The following MICOS10 variants were observed in gnomAD, a reference collection of about 807,000 sequenced individuals.
MICOS10 encodes MICOS complex subunit MIC10.
Under a neutral mutation model 13.4 loss-of-function variants are expected in MICOS10, and 5 were observed. The observed-to-expected ratio is 0.37, with a 90% CI of 0.20 to 0.78. The LOEUF (loss-of-function observed/expected upper bound fraction) is 0.78, where lower values mean the gene tolerates loss of function less well. Among genes scored for constraint, MICOS10 ranks in the 30% least tolerant of loss-of-function variants. The pLI is 0.47. For missense variants in MICOS10, 101 were observed against 94.6 expected (o/e 1.07, Z -0.28); for synonymous variants, 35 against 33.6 (o/e 1.04, Z -0.15).
At position 19,628,832 on chromosome 1, in the gene MICOS10, G is replaced by C. The variant is rs1457675558; in HGVS notation, c.*2431G>C. ...ATTCCCTAGACACATTAGAAAAATA[G>C]GGAGTGGAGAGGGGCATTGGAATGA... On this transcript the variant is annotated 3_prime_UTR_variant, in exon 4 of 4. Transcript: ENST00000322753. 6.6e-6 allele frequency: 1 copy of C among 152,126 alleles called. No individual in the cohort carries two copies. The highest frequency in any genetic ancestry group is 1.5e-5 in the Non-Finnish European group (1 of 68,050). 9.4% of individuals were successfully genotyped at this position (152,126 alleles called of 1,614,324 possible). A position where few individuals can be genotyped will look rare whatever the true frequency, so the allele number is the denominator to read the frequency against.
At position 19,622,339 on chromosome 1, in the gene MICOS10, C is replaced by T. The variant is rs560896813; in HGVS notation, c.112+192C>T. 3.9e-5 allele frequency among the ~76,000 whole-genome samples: 6 copies of T among 152,318 alleles called. 1 individual carries two copies. The South Asian group carries it at 1.2e-3, about 32-fold the overall frequency. ...TTGAAAGAGGTCAAAATGGGTTGGG[C>T]ATCTCCAGCATTCCCCTGGGCACTG... On this transcript the variant is annotated intron_variant, in intron 2 of 3. Transcript: ENST00000322753.
chr1:19,624,030 G>A (rs1036461364), intron 3 of MICOS10, among the ~76,000 whole-genome samples: 2 of 152,060 alleles, frequency 1.3e-5, no homozygotes, highest in African/African-American at 2.4e-5. Context: ...TTGCTTTGTC[G>A]CCCAGGCAGG....
intron 1 of MICOS10, among the ~76,000 whole-genome samples, chr1:19,609,924 C>A (rs1339820985): frequency 6.6e-6 from 1 of 152,176 alleles, no homozygotes; most frequent in Non-Finnish European, 1.5e-5. Flanking sequence ...GTGGGCAGAT[C>A]ACGAGGTCAA....
chr1:19,601,084 T>A, intron 1 of MICOS10: 1 of 1,133,400 alleles, frequency 8.8e-7, no homozygotes, highest in Admixed American at 2.3e-5. Flanking sequence ...TCACTCGTGT[T>A]TAGCATAGGT....
At chr1:19,607,585 T>C (rs1285762207) in intron 1 of MICOS10, among the ~76,000 whole-genome samples, 1 of 152,242 alleles carries the variant, frequency 6.6e-6, no homozygotes, top group African/African-American at 2.4e-5. Context: ...TAACATTAAT[T>C]GAATGCCTAT....
intron 1 of MICOS10, chr1:19,600,660 G>A (rs2094810625): frequency 5.9e-6 from 2 of 338,582 alleles, no homozygotes; most frequent in Non-Finnish European, 5.9e-6. Flanking sequence ...GGAGTGCAGT[G>A]GTGCAATCAC....
intron 1 of MICOS10, among the ~76,000 whole-genome samples, chr1:19,612,044 T>C (rs1012973246): frequency 6.6e-6 from 1 of 151,496 alleles, no homozygotes; most frequent in Non-Finnish European, 1.5e-5. Flanking sequence ...TTAATTTTAT[T>C]ATTCATTTAT....
At chr1:19,597,746 T>G (rs2094798413) in intron 1 of MICOS10, 1 of 152,336 alleles carries the variant, frequency 6.6e-6, no homozygotes, top group Admixed American at 6.5e-5. Context: ...CGGCACAAAT[T>G]ATGAAGTCAC....
At chr1:19,611,469 A>ATTTTT (rs768118529) in intron 1 of MICOS10, among the ~76,000 whole-genome samples, 1,254 of 90,228 alleles carry the variant, frequency 0.014, 156 homozygotes, top group African/African-American at 0.06. Context: ...TTGCAACTTG[A>ATTTTT]TTTTTTTTTT....
chr1:19,613,315 T>C (rs192287390), intron 1 of MICOS10, among the ~76,000 whole-genome samples: 5 of 152,370 alleles, frequency 3.3e-5, no homozygotes, highest in Admixed American at 2.0e-4. Flanking sequence ...ACATCTGATA[T>C]ATAGCTTCTC....
chr1:19,603,203 T>A (rs2100248198), intron 1 of MICOS10, among the ~76,000 whole-genome samples: 1 of 152,164 alleles, frequency 6.6e-6, no homozygotes, highest in East Asian at 1.9e-4. Context: ...TGGTGGTGCA[T>A]GCCTGTAATC....
At chr1:19,599,042 G>A (rs1011874973) in intron 1 of MICOS10, among the ~76,000 whole-genome samples, 7 of 151,738 alleles carry the variant, frequency 4.6e-5, no homozygotes, top group South Asian at 4.2e-4. Flanking sequence ...GAGCCAATGC[G>A]CCACACTCAT....
intron 1 of MICOS10, among the ~76,000 whole-genome samples, chr1:19,599,991 C>T (rs1466058381): frequency 2.0e-5 from 3 of 151,952 alleles, no homozygotes; most frequent in Non-Finnish European, 4.4e-5. Flanking sequence ...ATTTATTGAG[C>T]TGTGGGTCAG....
chr1:19,611,440 A>G (rs2100284328), intron 1 of MICOS10, among the ~76,000 whole-genome samples: 1 of 139,952 alleles, frequency 7.1e-6, no homozygotes, highest in Admixed American at 6.9e-5. Context: ...TGAAGAACTT[A>G]TCTTTCTCTT....
intron 1 of MICOS10, among the ~76,000 whole-genome samples, chr1:19,607,086 C>T (rs1413613263): frequency 6.6e-6 from 1 of 152,224 alleles, no homozygotes; most frequent in Non-Finnish European, 1.5e-5. Context: ...TTAGGTTATA[C>T]TTAAATACTT....
At chr1:19,622,883 A>T (rs1221971328) in intron 2 of MICOS10, among the ~76,000 whole-genome samples, 1 of 151,716 alleles carries the variant, frequency 6.6e-6, no homozygotes, top group East Asian at 1.9e-4. Context: ...GATATAGAGA[A>T]GTTAAAAGGT....
rs531089263 is a variant in MICOS10, at chr1:19,612,978, C to T, written c.65-9122C>T. Among the ~76,000 whole-genome samples, 16 of 152,292 alleles carry T rather than the reference C, an allele frequency of 1.1e-4. No homozygotes were observed. The South Asian group carries it at 1.2e-3, about 12-fold the overall frequency. ...TACGGATCCCTGACCTATGAATTGTCGTTAAGTGTGGTCACTTCCCCCTTC... is the reference window on the plus strand; with the variant it reads ...TACGGATCCCTGACCTATGAATTGTTGTTAAGTGTGGTCACTTCCCCCTTC... On this transcript the variant is annotated intron_variant, in intron 1 of 3. Transcript: ENST00000322753.
At chr1:19,614,759 A>G (rs1026124517) in intron 1 of MICOS10, among the ~76,000 whole-genome samples, 1 of 152,216 alleles carries the variant, frequency 6.6e-6, no homozygotes, top group Non-Finnish European at 1.5e-5. Context: ...AACATTCTTC[A>G]GGGAAGCCAA....
chr1:19,602,258 C>G (rs929830342), intron 1 of MICOS10, among the ~76,000 whole-genome samples: 1 of 152,114 alleles, frequency 6.6e-6, no homozygotes, highest in African/African-American at 2.4e-5. Context: ...GTTCTCTGCC[C>G]ATATTTGCTT....
Sources: gnomAD v4.1 joint callset for allele counts (sites outside exome capture counted in the v4.1 genomes callset) on GRCh38, gnomAD v4.1.1 for gene constraint, MANE v1.5 for transcripts, NCBI Gene and HGNC (gene_info 2026-07-23, HGNC 2026-07-21) for gene names.